Variants in TMEM87A observed in about 807,000 individuals in gnomAD.
TMEM87A encodes the protein Golgi-pH regulating cation channel.
In TMEM87A, 50 loss-of-function variants were observed where a neutral mutation model predicts 90.0. The ratio of observed to expected loss-of-function variants is 0.56; its 90% confidence interval spans 0.44 to 0.70. The LOEUF is 0.70. Ranked by LOEUF, TMEM87A falls within the 30% of genes least tolerant of loss-of-function variation. TMEM87A has a pLI of 0.00. For synonymous variants in TMEM87A, 226 were observed against 226.7 expected, an observed-to-expected ratio of 1.00 and a Z score of 0.03; for missense variants, 577 against 660.5, an observed-to-expected ratio of 0.87 and a Z score of 1.39.
chr15:42,239,674 A>G lies in TMEM87A; in HGVS notation c.680T>C (p.Met227Thr), dbSNP rs764114659. The change falls in exon 8 of 20, where the codon ATG becomes ACG. Residue 227 changes from methionine to threonine, a missense_variant. Met to Thr is a moderately conservative substitution (Grantham distance 81, BLOSUM62 -1). Transcript: ENST00000389834. ...EYLTLEDYPL[M>T]IFFMVMCIVY... The stretch of plus-strand genomic sequence containing the variant: ...AAATAATATAAAGTCACTTACAATC[A>G]TCAAGGGATAGTCTTCAAGTGTGAG... 2 of 1,613,364 alleles carry G rather than the reference A, an allele frequency of 1.2e-6. No homozygotes were observed. Among genetic ancestry groups the G allele is most frequent in the African/African-American group, 2.7e-5 (2 of 74,930 alleles).
chr15:42,273,483 G>A, upstream of TMEM87A: 1 of 1,572,900 alleles, frequency 6.4e-7, no homozygotes. Context: ...CTAAGGGCGG[G>A]ATTATCCGGG....
rs750906178 is a variant in TMEM87A at position 42,236,359 on chromosome 15, G to T, written c.929C>A (p.Thr310Asn). ...LSAVKRSLARTLVIIVSLGYG... is the reference protein window; with the variant it reads ...LSAVKRSLARNLVIIVSLGYG... Reference sequence around the variant, plus strand: ...TCCCAGACTGACTATGATGACCAGGGTTCGAGCCAGTGAGCGTTTCACTGC... The same window carrying T: ...TCCCAGACTGACTATGATGACCAGGTTTCGAGCCAGTGAGCGTTTCACTGC... The change falls in exon 10 of 20, where the codon ACC becomes AAC. Residue 310 changes from threonine (T) to asparagine (N), a missense_variant. Physicochemically the swap from Thr to Asn is moderately conservative, Grantham distance 65 (BLOSUM62 0). Coordinates refer to ENST00000389834, the MANE Select transcript of TMEM87A (RefSeq NM_015497.5). 1.2e-6 allele frequency: 2 copies of T among 1,614,120 alleles called. No homozygotes were observed. The highest frequency in any genetic ancestry group is 3.3e-5 in the Admixed American group (2 of 60,018).
intron 6 of TMEM87A, among the ~76,000 whole-genome samples, chr15:42,245,653 T>C (rs1212427718): frequency 6.6e-6 from 1 of 151,662 alleles, no homozygotes; most frequent in East Asian, 1.9e-4. Context: ...GCCTCCCAAG[T>C]AGCTGGGATA....
intron 3 of TMEM87A, among the ~76,000 whole-genome samples, chr15:42,266,905 TGAAA>T (rs544320677): frequency 7.9e-5 from 12 of 152,284 alleles, no homozygotes; most frequent in Middle Eastern, 3.4e-3. Context: ...CATATTTACT[TGAAA>T]GAATGACTGA....
chr15:42,264,933 T>C (rs949714515), intron 3 of TMEM87A, among the ~76,000 whole-genome samples: 2 of 152,094 alleles, frequency 1.3e-5, no homozygotes, highest in African/African-American at 4.8e-5. Context: ...CAGCTCCCAC[T>C]TATAAGTGAA....
At chr15:42,273,091 T>A (rs1237679899) in intron 1 of TMEM87A, 164 bp downstream of exon 1, 3 of 831,714 alleles carry the variant, frequency 3.6e-6, no homozygotes, top group Non-Finnish European at 5.7e-6. Context: ...GTGCGCGGCT[T>A]TCCACTCCAG....
chr15:42,270,168 G>A (rs1025958397), intron 2 of TMEM87A, among the ~76,000 whole-genome samples: 1 of 151,982 alleles, frequency 6.6e-6, no homozygotes, highest in Non-Finnish European at 1.5e-5. Flanking sequence ...TCGGGAGTTC[G>A]AGACCAGCCT....
At chr15:42,231,750 G>T in intron 11 of TMEM87A, 2 of 411,860 alleles carry the variant, frequency 4.9e-6, no homozygotes, top group Non-Finnish European at 7.0e-6. Flanking sequence ...TTATCTGTCT[G>T]AAAAACTATG....
rs936807468 is a variant in TMEM87A, at chr15:42,219,621, G to C, written c.1499C>G (p.Thr500Ser). ...ACTATTTCCATTGGGTTCTTGTTTG[G>C]TACTTCTCATTTTCATTCCTTCTGT... is the stretch of plus-strand genomic sequence containing the variant. ...ESFEGMKMRS[T>S]KQEPNGNSKV... The change falls in exon 17 of 20, where the codon ACC becomes AGC. Residue 500 changes from threonine to serine, a missense_variant. Coordinates refer to ENST00000389834, the MANE Select transcript of TMEM87A (RefSeq NM_015497.5). 6.3e-7 allele frequency: 1 copy of C among 1,599,012 alleles called. No individual in the cohort carries two copies. Among genetic ancestry groups the C allele is most frequent in the African/African-American group, 1.3e-5 (1 of 74,458 alleles).
rs184342388 is a variant in TMEM87A at position 42,258,527 on chromosome 15, C to T, written c.504+2431G>A. On this transcript the variant is annotated intron_variant, in intron 6 of 19. Transcript: ENST00000389834. ...CTGCAGCCTCCACCTCCCAAGTTCA[C>T]GCGATTCTCCTGCCTCAGCCTCCTG... 1.5e-3 allele frequency: 530 copies of T among 346,854 alleles called. 2 individuals carry two copies. Among genetic ancestry groups the T allele is most frequent in the South Asian group, 0.011 (102 of 9,396 alleles). 21.5% of individuals were successfully genotyped at this position (346,854 alleles called of 1,614,324 possible).
chr15:42,218,504 G>C, intron 17 of TMEM87A, 126 bp from the exon 18 acceptor site: 3 of 787,734 alleles, frequency 3.8e-6, no homozygotes, highest in South Asian at 4.9e-5. Context: ...TGGGACTGCT[G>C]ACAGAAAAGT....
rs374446220 is a variant in TMEM87A, at chr15:42,260,942, C to T, written c.504+16G>A. 6.9e-6 allele frequency: 11 copies of T among 1,605,168 alleles called. No homozygotes were observed. The African/African-American group carries it at 1.3e-4, about 20-fold the overall frequency. ...AAAATATGTGTTCAATGCCCCAAATCCCCAAATATACTTACGGTTTTGTCT... is the reference window on the plus strand; with the variant it reads ...AAAATATGTGTTCAATGCCCCAAATTCCCAAATATACTTACGGTTTTGTCT... On this transcript the variant is annotated intron_variant, in intron 6 of 19. Transcript: ENST00000389834.
chr15:42,215,548 A>G (rs1179550256), intron 19 of TMEM87A, among the ~76,000 whole-genome samples: 4 of 152,194 alleles, frequency 2.6e-5, no homozygotes, highest in Non-Finnish European at 4.4e-5. Context: ...TTCAACAGCA[A>G]AAAATCAACT....
intron 10 of TMEM87A, among the ~76,000 whole-genome samples, chr15:42,235,149 T>C (rs1343019900): frequency 6.6e-6 from 1 of 152,082 alleles, no homozygotes; most frequent in African/African-American, 2.4e-5. Flanking sequence ...AGCGATTCTC[T>C]TGCCTCAGCC....
intron 15 of TMEM87A, among the ~76,000 whole-genome samples, chr15:42,220,968 T>C (rs2050469610): frequency 6.6e-6 from 1 of 151,874 alleles, no homozygotes; most frequent in African/African-American, 2.4e-5. Flanking sequence ...ATTTTTTGCA[T>C]TTTTTTATTA....
chr15:42,259,821 A>T (rs2051254590), intron 6 of TMEM87A, among the ~76,000 whole-genome samples: 1 of 152,212 alleles, frequency 6.6e-6, no homozygotes. Context: ...AAAAGTTGAG[A>T]CAGAGTGTAA....
chr15:42,236,862 T>C (rs1236627597), intron 9 of TMEM87A, among the ~76,000 whole-genome samples: 5 of 152,196 alleles, frequency 3.3e-5, no homozygotes. Flanking sequence ...CCAGGGAAAA[T>C]CTTATCAGTT....
chr15:42,258,849 A>G (rs202121588), intron 6 of TMEM87A: 1 of 1,501,610 alleles, frequency 6.7e-7, no homozygotes, highest in Non-Finnish European at 8.9e-7. Flanking sequence ...GAATGGCAGA[A>G]TAAGAAACTC....
At chr15:42,222,846 C>T (rs560262706) in intron 15 of TMEM87A, among the ~76,000 whole-genome samples, 1 of 152,304 alleles carries the variant, frequency 6.6e-6, no homozygotes, top group Admixed American at 6.5e-5. Flanking sequence ...AGGCATGAGC[C>T]ATAGCGCCCG....
Sources: gnomAD v4.1 joint callset for allele counts (sites outside exome capture counted in the v4.1 genomes callset) on GRCh38, gnomAD v4.1.1 for gene constraint, MANE v1.5 for transcripts, NCBI Gene and HGNC (gene_info 2026-07-23, HGNC 2026-07-21) for gene names.